RP2: variants seen among roughly 807,000 people sequenced by gnomAD.
RP2 encodes RP2 activator of ARL3 GTPase.
In RP2, 3 loss-of-function variants were observed where a neutral mutation model predicts 20.3. The ratio of observed to expected loss-of-function variants is 0.15; its 90% CI spans 0.07 to 0.38. The LOEUF is 0.38. RP2 is among the 10% of genes least tolerant of loss of function. The pLI is 1.00. For synonymous variants in RP2, 75 were observed against 94.8 expected, an observed-to-expected ratio of 0.79 and a Z score of 1.22; for missense variants, 233 against 268.5, an observed-to-expected ratio of 0.87 and a Z score of 0.92.
intron 1 of RP2, among the ~76,000 whole-genome samples, chrX:46,847,822 G>GTA (rs1924779425): frequency 1.1e-5 from 1 of 91,641 alleles, no homozygotes; most frequent in African/African-American, 4.2e-5. Flanking sequence ...ACATATATGT[G>GTA]TATATGTGTA....
At chrX:46,852,380 T>C (rs1204682778) in intron 1 of RP2, among the ~76,000 whole-genome samples, 1 of 111,830 alleles carries the variant, frequency 8.9e-6, no homozygotes, top group Non-Finnish European at 1.9e-5. Context: ...ATTTGAAAAA[T>C]TGCGTTGTAG....
At chrX:46,876,614 C>T (rs1379294003) in intron 3 of RP2, among the ~76,000 whole-genome samples, 1 of 110,992 alleles carries the variant, frequency 9.0e-6, no homozygotes, top group Non-Finnish European at 1.9e-5. Flanking sequence ...TATTATATCA[C>T]AAGCCTCCAA....
In RP2 at chrX:46,862,532, C is replaced by T. The variant is rs782064379; in HGVS notation, c.883+2430C>T. ...AAAATTAGCCGGGCGTGGTGGCGGG[C>T]GCCTGTAGTCCCAGCTACTCAGGAG... On this transcript the variant is annotated intron_variant, in intron 3 of 4. Coordinates refer to ENST00000218340, the MANE Select transcript of RP2 (RefSeq NM_006915.3). 1.7e-3 allele frequency among the ~76,000 whole-genome samples: 183 copies of T among 108,292 alleles called. 1 individual carries two copies. The highest frequency in any genetic ancestry group is 4.1e-3 in the African/African-American group (121 of 29,566). 94.0% of individuals were successfully genotyped at this position (108,292 alleles called of 115,157 possible).
intron 1 of RP2, among the ~76,000 whole-genome samples, chrX:46,848,181 A>G (rs1041883797): frequency 8.3e-5 from 9 of 108,653 alleles, no homozygotes; most frequent in Non-Finnish European, 1.7e-4. Context: ...GAATTAACAA[A>G]TCCCATTATT....
chrX:46,843,005 C>CTT (rs60442392), intron 1 of RP2, among the ~76,000 whole-genome samples: 44 of 90,998 alleles, frequency 4.8e-4, no homozygotes, highest in South Asian at 3.4e-3. Context: ...CTATGTTTAA[C>CTT]TTTTTTTTTT....
At chrX:46,851,852 G>T (rs782661404) in intron 1 of RP2, among the ~76,000 whole-genome samples, 2 of 110,738 alleles carry the variant, frequency 1.8e-5, no homozygotes, top group Non-Finnish European at 3.8e-5. Flanking sequence ...AGATCACGAG[G>T]TCAGGAGATC....
chrX:46,877,703 G>GGTGGGT (rs1556327900), intron 4 of RP2, 113 bp downstream of exon 4: 25 of 377,298 alleles, frequency 6.6e-5, no homozygotes, highest in Non-Finnish European at 9.7e-5. Context: ...GAATTTTTGG[G>GGTGGGT]GTGTGTGTGT....
In RP2 at chrX:46,853,607, T is replaced by C. The variant is rs1556318574; in HGVS notation, c.234T>C (p.Ser78=). The C allele has an allele frequency of 8.3e-7, 1 of 1,211,915 alleles. No homozygotes were observed. The highest frequency in any genetic ancestry group is 3.0e-5 in the East Asian group (1 of 33,859). ...ENCNIYIFDH[S]ATVTIDDCTN... ...GTAACATCTATATTTTTGATCACTC[T>C]GCTACAGTTACCATTGATGACTGTA... The change falls in exon 2 of 5, where the codon TCT becomes TCC. Residue 78 remains serine, a synonymous_variant. Coordinates refer to ENST00000218340, the MANE Select transcript of RP2 (RefSeq NM_006915.3).
chrX:46,846,493 A>C (rs1160968090), intron 1 of RP2, among the ~76,000 whole-genome samples: 6 of 110,465 alleles, frequency 5.4e-5, no homozygotes, highest in Non-Finnish European at 9.5e-5. Context: ...AGGCTGAGAC[A>C]GGAGGATTGC....
chrX:46,845,688 A>G (rs1924704556), intron 1 of RP2, among the ~76,000 whole-genome samples: 1 of 111,963 alleles, frequency 8.9e-6, no homozygotes, highest in Non-Finnish European at 1.9e-5. Context: ...GGAATCATAC[A>G]ATACGTAACC....
chrX:46,862,517 G>A (rs1030982052), intron 3 of RP2, among the ~76,000 whole-genome samples: 12 of 110,425 alleles, frequency 1.1e-4, no homozygotes, highest in South Asian at 3.9e-4. Context: ...AAAATTAGCC[G>A]GGCGTGGTGG....
chrX:46,847,754 GTA>G (rs1213955801), intron 1 of RP2, among the ~76,000 whole-genome samples: 4 of 82,774 alleles, frequency 4.8e-5, no homozygotes, highest in African/African-American at 2.2e-4. Flanking sequence ...ATGTGTGTGT[GTA>G]TATACACACA....
intron 3 of RP2, among the ~76,000 whole-genome samples, chrX:46,860,875 ATAT>A (rs1161409760): frequency 3.6e-5 from 4 of 112,284 alleles, no homozygotes; most frequent in African/African-American, 1.3e-4. Flanking sequence ...ATGTATAAAA[ATAT>A]TATAATAAAC....
At chrX:46,873,500 C>CA (rs1318495016) in intron 3 of RP2, among the ~76,000 whole-genome samples, 1 of 111,912 alleles carries the variant, frequency 8.9e-6, no homozygotes, top group Non-Finnish European at 1.9e-5. Context: ...GTGTTGTCAA[C>CA]ATTGTAGTTT....
At position 46,837,984 on chromosome X, in the gene RP2, G is replaced by C. The variant is rs782083352; in HGVS notation, c.102+782G>C. On this transcript the variant is annotated intron_variant, in intron 1 of 4. Coordinates refer to ENST00000218340, the MANE Select transcript of RP2 (RefSeq NM_006915.3). Reference sequence around the variant, plus strand: ...CATTAGTCTTACACAAAACACACTCGGTCATACATTTCATAATAGTTCCTC... The same window carrying C: ...CATTAGTCTTACACAAAACACACTCCGTCATACATTTCATAATAGTTCCTC... 9.8e-5 allele frequency among the ~76,000 whole-genome samples: 11 copies of C among 111,944 alleles called. No individual in the cohort carries two copies. In the South Asian group the frequency reaches 3.6e-3, roughly 37 times the overall value.
At chrX:46,838,589 A>C (rs782788549) in intron 1 of RP2, among the ~76,000 whole-genome samples, 1 of 112,836 alleles carries the variant, frequency 8.9e-6, no homozygotes, top group East Asian at 2.7e-4. Flanking sequence ...TTTTGAACTC[A>C]GGCTAAATCT....
chrX:46,866,271 A>G, intron 3 of RP2, among the ~76,000 whole-genome samples: 1 of 111,878 alleles, frequency 8.9e-6, no homozygotes, highest in East Asian at 2.8e-4. Context: ...CCCTTTACTA[A>G]TGGGGTACCA....
At chrX:46,843,298 C>T (rs1431720160) in intron 1 of RP2, among the ~76,000 whole-genome samples, 6 of 111,537 alleles carry the variant, frequency 5.4e-5, no homozygotes, top group East Asian at 2.8e-4. Context: ...TGAGCCACCG[C>T]GACTGGCCTA....
chrX:46,882,086 A>T lies in RP2; in HGVS notation c.*2317A>T, dbSNP rs1160577945. ...ACGATTTTAAAAAATAAGTAGTGCT[A>T]TGGTTGTTTCTATAATTCTAACCTT... On this transcript the variant is annotated 3_prime_UTR_variant, in exon 5 of 5. Coordinates refer to ENST00000218340, the MANE Select transcript of RP2 (RefSeq NM_006915.3). The T allele has an allele frequency of 8.9e-6, 1 of 112,163 alleles. No individual in the cohort carries two copies. Among genetic ancestry groups the T allele is most frequent in the Non-Finnish European group, 1.9e-5 (1 of 53,274 alleles). 9.2% of individuals were successfully genotyped at this position (112,163 alleles called of 1,213,427 possible).
Sources: allele counts gnomAD v4.1 joint callset (sites outside exome capture counted in the v4.1 genomes callset), GRCh38; gene constraint gnomAD v4.1.1; transcripts MANE v1.5; gene names NCBI Gene and HGNC (gene_info 2026-07-23, HGNC 2026-07-21).